The following RGSL1 variants were observed in gnomAD, a reference collection of about 807,000 sequenced individuals.
RGSL1 encodes regulator of G protein signaling protein-like.
RGSL1 carries 97 observed loss-of-function variants against 124.7 expected under a neutral mutation model. That is an observed-to-expected ratio of 0.78 (90% CI 0.66 to 0.92). RGSL1 has a LOEUF of 0.92. RGSL1 is among the 40% of genes least tolerant of loss of function. The pLI, the probability that RGSL1 is intolerant of heterozygous loss-of-function variation, is 0.00. For synonymous variants in RGSL1, 424 were observed against 438.1 expected (o/e 0.97, Z 0.40); for missense variants, 1,233 against 1,288.4 (o/e 0.96, Z 0.66).
chr1:182,532,920 C>A, intron 14 of RGSL1, 129 bp downstream of exon 14: 1 of 1,036,524 alleles, frequency 9.6e-7, no homozygotes, highest in Non-Finnish European at 1.4e-6. Flanking sequence ...AACCCAGGTC[C>A]TGTGTGCAAA....
At chr1:182,499,250 G>T (rs529085191) in intron 9 of RGSL1, among the ~76,000 whole-genome samples, 104 of 152,288 alleles carry the variant, frequency 6.8e-4, no homozygotes, top group African/African-American at 2.3e-3. Flanking sequence ...CTGCCTCAAA[G>T]TTCTAATACC....
intron 1 of RGSL1, among the ~76,000 whole-genome samples, chr1:182,451,684 G>A (rs1310782179): frequency 3.3e-5 from 5 of 151,188 alleles, no homozygotes; most frequent in African/African-American, 9.7e-5. Flanking sequence ...CTATACTAGA[G>A]AGTTTGGACT....
intron 9 of RGSL1, among the ~76,000 whole-genome samples, chr1:182,516,519 T>A (rs1487139788): frequency 6.6e-6 from 1 of 152,254 alleles, no homozygotes; most frequent in Non-Finnish European, 1.5e-5. Flanking sequence ...ATAACTCCTT[T>A]CTTTTTTCCT....
At chr1:182,555,909 T>C in intron 20 of RGSL1, 115 bp from the exon 21 acceptor site, 3 of 864,352 alleles carry the variant, frequency 3.5e-6, no homozygotes, top group Non-Finnish European at 3.7e-6. Flanking sequence ...AGCCTGAAGG[T>C]TTCAGTTTTG....
chr1:182,474,374 T>C lies in RGSL1; in HGVS notation c.1263T>C (p.Asn421=), dbSNP rs1654115667. ...TTCTGAATAACAAAAAGAATGGGAATGCAATCTTTCGTCACTTGCTGGGTG... is the reference window on the plus strand; with the variant it reads ...TTCTGAATAACAAAAAGAATGGGAACGCAATCTTTCGTCACTTGCTGGGTG... ...SVLLNNKKNG[N]AIFRHLLGDR... The change falls in exon 6 of 22, where the codon AAT becomes AAC. Residue 421 remains asparagine (N), a synonymous_variant. Coordinates refer to ENST00000294854, the MANE Select transcript of RGSL1 (RefSeq NM_001137669.2). 1 of 1,551,948 alleles carries C rather than the reference T, an allele frequency of 6.4e-7. No individual in the cohort carries two copies. The highest frequency in any genetic ancestry group is 8.7e-7 in the Non-Finnish European group (1 of 1,147,012).
chr1:182,493,436 T>C (rs944129690), intron 9 of RGSL1, among the ~76,000 whole-genome samples: 8 of 152,204 alleles, frequency 5.3e-5, no homozygotes, highest in African/African-American at 1.4e-4. Context: ...TCTGTCAAGT[T>C]ACCTGGAGGC....
chr1:182,505,609 T>C (rs2102166643), intron 9 of RGSL1, among the ~76,000 whole-genome samples: 1 of 152,322 alleles, frequency 6.6e-6, no homozygotes, highest in African/African-American at 2.4e-5. Context: ...TCCTACTATA[T>C]CTTTTAATCC....
chr1:182,487,894 G>T (rs12024567), intron 6 of RGSL1, among the ~76,000 whole-genome samples: 15,326 of 152,176 alleles, frequency 0.1, 930 homozygotes, highest in South Asian at 0.18. Flanking sequence ...AAAGGGTAAG[G>T]TCTTCAAGTG....
At chr1:182,530,677 T>A in intron 12 of RGSL1, 113 bp from the exon 13 acceptor site, 1 of 1,221,650 alleles carries the variant, frequency 8.2e-7, no homozygotes, top group Non-Finnish European at 1.1e-6. Flanking sequence ...ATTTTACTAT[T>A]CCCCAATTAC....
At chr1:182,486,043 C>G (rs1370606030) in intron 6 of RGSL1, among the ~76,000 whole-genome samples, 1 of 152,144 alleles carries the variant, frequency 6.6e-6, no homozygotes, top group East Asian at 1.9e-4. Context: ...GAACCTTCAT[C>G]TATTGCATCA....
intron 9 of RGSL1, among the ~76,000 whole-genome samples, chr1:182,503,973 TC>T (rs1656599277): frequency 3.8e-5 from 1 of 26,374 alleles, no homozygotes; most frequent in East Asian, 7.8e-4. Context: ...TTTTGTAATT[TC>T]TTTTTTTTTT....
rs202043204 is a variant in RGSL1 at position 182,556,208 on chromosome 1, A to T, written c.*151A>T. 4.2e-6 allele frequency: 3 copies of T among 706,260 alleles called. No homozygotes were observed. In the African/African-American group the frequency reaches 5.4e-5, roughly 13 times the overall value. The allele number at this position is 706,260 out of a possible 1,614,324, so 43.7% of individuals were successfully genotyped here. On this transcript the variant is annotated 3_prime_UTR_variant, in exon 21 of 22. Transcript: ENST00000294854. ...GGGTTGACAGCCCAGATATGGCAGG[A>T]CCAGACTGCAATGGGTAAGACTTGG...
intron 9 of RGSL1, among the ~76,000 whole-genome samples, chr1:182,508,386 G>T (rs993154512): frequency 5.6e-5 from 7 of 126,058 alleles, no homozygotes; most frequent in Admixed American, 1.0e-4. Flanking sequence ...TGCAACCTCC[G>T]CCTCCCGGGT....
rs1298156539 is a variant in RGSL1 at position 182,473,769 on chromosome 1, T to C, written c.658T>C (p.Tyr220His). The C allele has an allele frequency of 5.8e-6, 9 of 1,551,632 alleles. No individual in the cohort carries two copies. The highest frequency in any genetic ancestry group is 7.0e-6 in the Non-Finnish European group (8 of 1,147,012). ...GATGCAAGAGTACGAGACTCGCTTA[T>C]ACAGCGTTTGCTACACCCACATAGG... ...GLMQEYETRLYSVCYTHIGGL... is the reference protein window; with the variant it reads ...GLMQEYETRLHSVCYTHIGGL... The change falls in exon 6 of 22, where the codon TAC (tyrosine) becomes CAC (histidine). Residue 220 changes from tyrosine (Y) to histidine (H), a missense_variant. Tyr to His is a moderately conservative substitution (Grantham distance 83). Transcript: ENST00000294854.
intron 9 of RGSL1, among the ~76,000 whole-genome samples, chr1:182,517,401 G>C (rs1432034821): frequency 6.6e-6 from 1 of 151,120 alleles, no homozygotes; most frequent in African/African-American, 2.4e-5. Flanking sequence ...CCTGTACCTG[G>C]ATACTTATCT....
At chr1:182,468,025 C>T (rs1280195522) in intron 4 of RGSL1, among the ~76,000 whole-genome samples, 2 of 152,214 alleles carry the variant, frequency 1.3e-5, no homozygotes, top group African/African-American at 4.8e-5. Flanking sequence ...AAATGCTCAT[C>T]ATCACTGGCC....
chr1:182,508,705 T>G (rs1657052305), intron 9 of RGSL1, among the ~76,000 whole-genome samples: 1 of 146,186 alleles, frequency 6.8e-6, no homozygotes, highest in Non-Finnish European at 1.5e-5. Flanking sequence ...TTTATTTTTT[T>G]ATTGATAATT....
intron 9 of RGSL1, among the ~76,000 whole-genome samples, chr1:182,509,505 T>C (rs1429918948): frequency 1.5e-5 from 1 of 65,148 alleles, no homozygotes; most frequent in African/African-American, 7.3e-5. Flanking sequence ...CCCCCCCACC[T>C]CCCTCCCGGA....
chr1:182,486,816 C>T (rs1655135084), intron 6 of RGSL1, among the ~76,000 whole-genome samples: 1 of 152,180 alleles, frequency 6.6e-6, no homozygotes, highest in African/African-American at 2.4e-5. Flanking sequence ...GCTGGGATTA[C>T]AGGCATGTGC....
Sources: allele counts gnomAD v4.1 joint callset (sites outside exome capture counted in the v4.1 genomes callset), GRCh38; gene constraint gnomAD v4.1.1; transcripts MANE v1.5; gene names NCBI Gene and HGNC (gene_info 2026-07-23, HGNC 2026-07-21).